The following BBOF1 variants were observed in gnomAD, a reference collection of about 807,000 sequenced individuals.
The protein encoded by BBOF1 is basal body-orientation factor 1.
A neutral mutation model predicts 68.0 loss-of-function variants in BBOF1; 62 were observed. The observed-to-expected ratio is 0.91, with a 90% CI of 0.74 to 1.13. BBOF1 has a LOEUF of 1.13. Among genes scored for constraint, BBOF1 ranks in the 50% most tolerant of loss-of-function variants. The pLI, the probability that BBOF1 is intolerant of heterozygous loss-of-function variation, is 0.00. For synonymous variants in BBOF1, 208 were observed against 198.8 expected, an observed-to-expected ratio of 1.05 and a Z score of -0.39; for missense variants, 534 against 600.1, an observed-to-expected ratio of 0.89 and a Z score of 1.15.
chr14:74,076,093 G>A (rs1328681893), intron 9 of BBOF1, among the ~76,000 whole-genome samples: 1 of 152,130 alleles, frequency 6.6e-6, no homozygotes, highest in Non-Finnish European at 1.5e-5. Context: ...TTGGGGTGAT[G>A]GACATATGTT....
At chr14:74,077,913 A>G (rs1260679597) in intron 9 of BBOF1, among the ~76,000 whole-genome samples, 1 of 152,220 alleles carries the variant, frequency 6.6e-6, no homozygotes, top group Non-Finnish European at 1.5e-5. Context: ...AAAAGTAGTT[A>G]GCACAAAGCT....
In BBOF1 at chr14:74,066,039, T is replaced by G. The variant is rs2060457910; in HGVS notation, c.*1340T>G. 6.5e-6 allele frequency: 1 copy of G among 154,800 alleles called. No individual in the cohort carries two copies. The highest frequency in any genetic ancestry group is 1.4e-5 in the Non-Finnish European group (1 of 69,396). The allele number at this position is 154,800 out of a possible 1,614,324, so 9.6% of individuals were successfully genotyped here. A position where few individuals can be genotyped will look rare whatever the true frequency, so the allele number is the denominator to read the frequency against. ...ATGCCTCATAACCTCAATTTTTAAG[T>G]CATGTTAGCTGAGAGACTTTCAAAG... On this transcript the variant is annotated 3_prime_UTR_variant, in exon 12 of 12. Transcript: ENST00000394009.
chr14:74,061,136 C>A (rs1368707618), intron 11 of BBOF1, among the ~76,000 whole-genome samples: 1 of 151,624 alleles, frequency 6.6e-6, no homozygotes, highest in Non-Finnish European at 1.5e-5. Context: ...TGCTACCACG[C>A]CTGGCTAATT....
chr14:74,057,092 G>A (rs1186484494), intron 10 of BBOF1, 52 bp from the exon 11 acceptor site: 1 of 1,599,946 alleles, frequency 6.3e-7, no homozygotes, highest in African/African-American at 1.3e-5. Context: ...TCTAAACCAG[G>A]TTTCATGTGT....
At chr14:74,080,057 A>C (rs550255995) in intron 10 of BBOF1, among the ~76,000 whole-genome samples, 1 of 151,648 alleles carries the variant, frequency 6.6e-6, no homozygotes, top group South Asian at 2.1e-4. Context: ...AAAACCAAAA[A>C]ACAAAAGCAA....
chr14:74,079,728 G>T (rs548433376), intron 10 of BBOF1, among the ~76,000 whole-genome samples: 84 of 152,186 alleles, frequency 5.5e-4, no homozygotes, highest in Non-Finnish European at 1.1e-3. Context: ...CACTGCGCCT[G>T]GCCTAATTTT....
At chr14:74,064,415 A>G (rs2139759999) in intron 11 of BBOF1, among the ~76,000 whole-genome samples, 1 of 152,292 alleles carries the variant, frequency 6.6e-6, no homozygotes, top group South Asian at 2.1e-4. Context: ...CAATGGGAAC[A>G]CACTGGGGTC....
At chr14:74,080,615 T>A (rs7148979) in intron 10 of BBOF1, among the ~76,000 whole-genome samples, 24,635 of 151,630 alleles carry the variant, frequency 0.16, 2,591 homozygotes, top group African/African-American at 0.3. Flanking sequence ...TTAAAAAAAA[T>A]TTTTTTTTGT....
chr14:74,069,095 CTTTTTCTTTTT>C, downstream of BBOF1: 1 of 633,208 alleles, frequency 1.6e-6, no homozygotes, highest in Non-Finnish European at 2.4e-6. Context: ...TTTTCTTTTA[CTTTTTCTTTTT>C]TTTTTTTTTT....
intron 6 of BBOF1, 130 bp from the exon 7 acceptor site, chr14:74,047,800 C>T: frequency 1.4e-6 from 1 of 728,954 alleles, no homozygotes; most frequent in Non-Finnish European, 2.1e-6. Context: ...TACTGAGTAC[C>T]CACCATAAGC....
intron 12 of BBOF1, among the ~76,000 whole-genome samples, chr14:74,081,825 C>G (rs1450965765): frequency 6.6e-6 from 1 of 152,152 alleles, no homozygotes; most frequent in East Asian, 1.9e-4. Flanking sequence ...AAAGAGATGG[C>G]AAGACTTAAG....
At chr14:74,022,789 A>G (rs2059332451) in intron 1 of BBOF1, 127 bp from the exon 2 acceptor site, 1 of 414,952 alleles carries the variant, frequency 2.4e-6, no homozygotes, top group African/African-American at 2.1e-5. Context: ...CATGTGTGCC[A>G]GGCAATGCCA....
chr14:74,072,670 T>G, intron 9 of BBOF1: 59 of 1,516,364 alleles, frequency 3.9e-5, no homozygotes, highest in Non-Finnish European at 5.0e-5. Flanking sequence ...TATTAGCTAA[T>G]TGCTTTGCTT....
At chr14:74,051,797 G>T (rs897146991) in intron 8 of BBOF1, among the ~76,000 whole-genome samples, 6 of 151,646 alleles carry the variant, frequency 4.0e-5, no homozygotes, top group Non-Finnish European at 8.8e-5. Context: ...AAGGACTGCA[G>T]CCTGGAACTC....
At chr14:74,057,497 T>G in intron 11 of BBOF1, 1 of 1,395,516 alleles carries the variant, frequency 7.2e-7, no homozygotes, top group Non-Finnish European at 9.3e-7. Flanking sequence ...ATAGGTTGCC[T>G]TTTGAAGTAA....
chr14:74,035,542 C>T (rs77639642), intron 4 of BBOF1, among the ~76,000 whole-genome samples: 24,310 of 147,874 alleles, frequency 0.16, 2,520 homozygotes, highest in East Asian at 0.57. Flanking sequence ...CTCAGCCTCC[C>T]GAGTAGCTGG....
chr14:74,046,974 C>T (rs1037608593), intron 6 of BBOF1: 23 of 152,324 alleles, frequency 1.5e-4, no homozygotes, highest in African/African-American at 5.5e-4. Context: ...GCAATCCACC[C>T]GCCTCGGGCT....
intron 9 of BBOF1, chr14:74,072,489 C>T (rs754990435): frequency 1.9e-6 from 3 of 1,613,780 alleles, no homozygotes; most frequent in Admixed American, 1.7e-5. Flanking sequence ...CATCATGTCC[C>T]TAGAATTCTA....
At chr14:74,067,286 A>C (rs1255166309), downstream of BBOF1, 1 of 1,385,834 alleles carries the variant, frequency 7.2e-7, no homozygotes, top group Admixed American at 1.7e-5. Context: ...AAGAATAGAC[A>C]TGATTGTTCC....
Sources: gnomAD v4.1 joint callset for allele counts (sites outside exome capture counted in the v4.1 genomes callset) on GRCh38, gnomAD v4.1.1 for gene constraint, MANE v1.5 for transcripts, NCBI Gene and HGNC (gene_info 2026-07-23, HGNC 2026-07-21) for gene names.